YAP1: variants seen among roughly 807,000 people sequenced by gnomAD.
YAP1 encodes the protein transcriptional coactivator YAP1.
Under a neutral mutation model 56.9 loss-of-function variants are expected in YAP1, and 5 were observed. That is an observed-to-expected ratio of 0.09 (90% CI 0.05 to 0.18). The LOEUF is 0.18. YAP1 is among the 10% of genes least tolerant of loss of function. YAP1 has a pLI of 1.00. For missense variants in YAP1, 539 were observed against 651.8 expected (o/e 0.83, Z 1.88); for synonymous variants, 265 against 248.1 (o/e 1.07, Z -0.64).
chr11:102,198,001 C>T (rs1948657710), intron 4 of YAP1, among the ~76,000 whole-genome samples: 2 of 152,310 alleles, frequency 1.3e-5, no homozygotes, highest in Non-Finnish European at 2.9e-5. Context: ...TAAATCCCAG[C>T]TTCAGTAGAT....
chr11:102,201,037 T>A (rs1565261934), intron 4 of YAP1, among the ~76,000 whole-genome samples: 3 of 152,196 alleles, frequency 2.0e-5, no homozygotes, highest in Non-Finnish European at 4.4e-5. Flanking sequence ...CAAAATTATT[T>A]ATGCTTTCAA....
chr11:102,147,190 A>G (rs144922242), intron 2 of YAP1, among the ~76,000 whole-genome samples: 22 of 152,288 alleles, frequency 1.4e-4, no homozygotes, highest in African/African-American at 4.8e-4. Flanking sequence ...TTATATACTA[A>G]AATGTATTTG....
Position 102,110,923 on chromosome 11 carries a change from G to A in YAP1, c.75G>A (p.Gln25=). The change falls in exon 1 of 9, where the codon CAG becomes CAA. Residue 25 remains glutamine (Q), a synonymous_variant. Transcript: ENST00000282441. ...GGCAGCCGCCTTCGCAGCCCCCGCAGGGGCAGGGCCCGCCGTCCGGACCCG... is the reference window on the plus strand; with the variant it reads ...GGCAGCCGCCTTCGCAGCCCCCGCAAGGGCAGGGCCCGCCGTCCGGACCCG... ...GQGQPPSQPP[Q]GQGPPSGPGQ... The A allele has an allele frequency of 7.0e-7, 1 of 1,437,734 alleles. No individual in the cohort carries two copies. The highest frequency in any genetic ancestry group is 9.1e-7 in the Non-Finnish European group (1 of 1,097,746). 89.1% of individuals were successfully genotyped at this position (1,437,734 alleles called of 1,614,324 possible).
chr11:102,170,801 T>A (rs1946857617), intron 3 of YAP1, among the ~76,000 whole-genome samples: 1 of 151,994 alleles, frequency 6.6e-6, no homozygotes, highest in Admixed American at 6.6e-5. Context: ...AAACCCCGTC[T>A]CTACTAAAAA....
rs769333205 is a variant in YAP1 at position 102,226,284 on chromosome 11, C to T, written c.1164-1185C>T. On this transcript the variant is annotated intron_variant, in intron 7 of 8. Transcript: ENST00000282441. ...GCTTTTGAGCCTTGGCAAAATCTGG[C>T]AGAAGCATTAGAGTAAACCAGTGAT... is the stretch of plus-strand genomic sequence containing the variant. 1.3e-5 allele frequency among the ~76,000 whole-genome samples: 2 copies of T among 152,052 alleles called. 1 individual carries two copies. The highest frequency in any genetic ancestry group is 2.9e-5 in the Non-Finnish European group (2 of 68,024).
At chr11:102,194,582 T>C (rs1350854816) in intron 4 of YAP1, among the ~76,000 whole-genome samples, 3 of 151,826 alleles carry the variant, frequency 2.0e-5, no homozygotes, top group Non-Finnish European at 4.4e-5. Context: ...AACAAGTAAA[T>C]AAATCATTAC....
At chr11:102,192,264 C>T (rs893694836) in intron 4 of YAP1, among the ~76,000 whole-genome samples, 1 of 152,134 alleles carries the variant, frequency 6.6e-6, no homozygotes, top group African/African-American at 2.4e-5. Flanking sequence ...TTCATGTGTT[C>T]AGAGTTCTCT....
chr11:102,219,648 T>TA, intron 6 of YAP1, among the ~76,000 whole-genome samples: 1 of 152,102 alleles, frequency 6.6e-6, no homozygotes, highest in South Asian at 2.1e-4. Context: ...CAAGAAAAGT[T>TA]AAAAAGATGA....
At chr11:102,131,498 A>C (rs1046648561) in intron 2 of YAP1, among the ~76,000 whole-genome samples, 5 of 152,232 alleles carry the variant, frequency 3.3e-5, no homozygotes, top group African/African-American at 1.2e-4. Flanking sequence ...AGTTCAATAA[A>C]GAGAGATCTT....
At chr11:102,138,601 ATGGATCC>A (rs1344742535) in intron 2 of YAP1, among the ~76,000 whole-genome samples, 1 of 152,204 alleles carries the variant, frequency 6.6e-6, no homozygotes, top group African/African-American at 2.4e-5. Context: ...TTTAGCAGAA[ATGGATCC>A]TGGATTTTCT....
intron 4 of YAP1, among the ~76,000 whole-genome samples, chr11:102,195,815 C>G (rs1330334641): frequency 6.6e-6 from 1 of 152,186 alleles, no homozygotes; most frequent in African/African-American, 2.4e-5. Flanking sequence ...TCTTTATTAA[C>G]AGCGCAAGAA....
chr11:102,190,913 G>C (rs995914155), intron 4 of YAP1, among the ~76,000 whole-genome samples: 3 of 152,078 alleles, frequency 2.0e-5, no homozygotes, highest in Non-Finnish European at 4.4e-5. Flanking sequence ...TCTAGCCTGG[G>C]AGACAGAGCG....
chr11:102,123,898 A>G (rs916986069), intron 2 of YAP1, among the ~76,000 whole-genome samples: 7 of 150,394 alleles, frequency 4.7e-5, no homozygotes, highest in Non-Finnish European at 1.0e-4. Context: ...AAGTGCTGGG[A>G]TTACAGGTGT....
intron 4 of YAP1, among the ~76,000 whole-genome samples, chr11:102,204,906 A>T (rs906193795): frequency 8.5e-5 from 13 of 152,288 alleles, no homozygotes; most frequent in African/African-American, 2.6e-4. Context: ...AGCCATTGGG[A>T]CCTGGGGTTT....
intron 2 of YAP1, among the ~76,000 whole-genome samples, chr11:102,129,308 G>T (rs1414905492): frequency 1.3e-5 from 2 of 152,086 alleles, no homozygotes; most frequent in Non-Finnish European, 2.9e-5. Context: ...ATTTCATGAA[G>T]ACTGGGTTTA....
At chr11:102,163,323 A>G (rs1248062786) in intron 3 of YAP1, among the ~76,000 whole-genome samples, 2 of 152,230 alleles carry the variant, frequency 1.3e-5, no homozygotes, top group African/African-American at 4.8e-5. Context: ...CAGAGTAGGT[A>G]CTAAGTGAAA....
Position 102,230,037 on chromosome 11 carries a change from C to A in YAP1, c.*97C>A. 3.9e-6 allele frequency: 4 copies of A among 1,038,916 alleles called. No homozygotes were observed. Among genetic ancestry groups the A allele is most frequent in the Non-Finnish European group, 4.3e-6 (3 of 693,302 alleles). The allele number at this position is 1,038,916 out of a possible 1,614,324, so 64.4% of individuals were successfully genotyped here. A position where few individuals can be genotyped will look rare whatever the true frequency, so the allele number is the denominator to read the frequency against. ...GCCAGTTGCAGTTTTCAGGCTAATA[C>A]AGAAAAAGATGAACAAACGTCCAGC... On this transcript the variant is annotated 3_prime_UTR_variant, in exon 9 of 9. Coordinates refer to ENST00000282441, the MANE Select transcript of YAP1 (RefSeq NM_001130145.3).
At position 102,110,670 on chromosome 11, in the gene YAP1, G is replaced by T; in HGVS notation, c.-179G>T. On this transcript the variant is annotated 5_prime_UTR_variant, in exon 1 of 9. Coordinates refer to ENST00000282441, the MANE Select transcript of YAP1 (RefSeq NM_001130145.3). ...GGAGCCGGGGCGCAGGGCGGGGGCGGAGGCGCCGGGGCGGGGGATGCGGGG... is the reference window on the plus strand; with the variant it reads ...GGAGCCGGGGCGCAGGGCGGGGGCGTAGGCGCCGGGGCGGGGGATGCGGGG... 2.5e-6 allele frequency: 1 copy of T among 403,778 alleles called. No homozygotes were observed. Among genetic ancestry groups the T allele is most frequent in the Non-Finnish European group, 3.7e-6 (1 of 269,076 alleles). The allele number at this position is 403,778 out of a possible 1,614,324, so 25.0% of individuals were successfully genotyped here.
chr11:102,205,780 C>T (rs753582295), intron 4 of YAP1, 113 bp from the exon 5 acceptor site: 48 of 1,047,894 alleles, frequency 4.6e-5, no homozygotes, highest in Non-Finnish European at 6.2e-5. Context: ...TCCAGTCTTC[C>T]TGCCCAAAAA....
Sources: gnomAD v4.1 joint callset for allele counts (sites outside exome capture counted in the v4.1 genomes callset) on GRCh38, gnomAD v4.1.1 for gene constraint, MANE v1.5 for transcripts, NCBI Gene and HGNC (gene_info 2026-07-23, HGNC 2026-07-21) for gene names.